Variants in USP4 observed in about 807,000 individuals in gnomAD.
The protein encoded by USP4 is ubiquitin specific peptidase 4.
USP4 carries 72 observed loss-of-function variants against 118.2 expected under a neutral mutation model. The ratio of observed to expected loss-of-function variants is 0.61; its 90% CI spans 0.50 to 0.74. The LOEUF (loss-of-function observed/expected upper bound fraction) is 0.74. Ranked by LOEUF, USP4 falls within the 30% of genes least tolerant of loss-of-function variation. USP4 has a pLI of 0.00. For synonymous variants in USP4, 415 were observed against 440.4 expected (o/e 0.94, Z 0.72); for missense variants, 1,037 against 1,185.7 (o/e 0.87, Z 1.84).
chr3:49,293,944 G>C (rs2047177229), intron 14 of USP4, among the ~76,000 whole-genome samples: 1 of 151,070 alleles, frequency 6.6e-6, no homozygotes, highest in African/African-American at 2.4e-5. Context: ...AATAGCACCT[G>C]CCCTGGCCCA....
At chr3:49,323,850 A>G (rs2047524873) in intron 6 of USP4, among the ~76,000 whole-genome samples, 1 of 152,212 alleles carries the variant, frequency 6.6e-6, no homozygotes, top group South Asian at 2.1e-4. Flanking sequence ...GAACATGCAC[A>G]GTTCCACATA....
chr3:49,284,750 A>G, intron 17 of USP4, 99 bp downstream of exon 17: 1 of 1,296,392 alleles, frequency 7.7e-7, no homozygotes, highest in South Asian at 1.3e-5. Flanking sequence ...TCTTAAATAT[A>G]ACTTGCTAAA....
chr3:49,280,324 G>A (rs1006413221), intron 20 of USP4, among the ~76,000 whole-genome samples: 4 of 151,914 alleles, frequency 2.6e-5, no homozygotes, highest in African/African-American at 9.7e-5. Flanking sequence ...CACTTTGGGA[G>A]GCCGAGGCGG....
At chr3:49,279,445 A>G (rs74454407) in intron 20 of USP4, among the ~76,000 whole-genome samples, 1 of 146,636 alleles carries the variant, frequency 6.8e-6, no homozygotes, top group Non-Finnish European at 1.5e-5. Context: ...CTCCATATCC[A>G]AAAAAAAAAA....
chr3:49,285,693 C>T (rs927889191), intron 16 of USP4, among the ~76,000 whole-genome samples: 2 of 152,154 alleles, frequency 1.3e-5, no homozygotes, highest in African/African-American at 2.4e-5. Flanking sequence ...CTCCATGTGT[C>T]GGTGAGGCTA....
In USP4 at chr3:49,328,720, C is replaced by T. The variant is rs528332252; in HGVS notation, c.230-904G>A. ...AGTAAAAATACAAAAATTAGCTGGGCATGGTGATGCATGCCTGTAGTCCCA... is the reference window on the plus strand; with the variant it reads ...AGTAAAAATACAAAAATTAGCTGGGTATGGTGATGCATGCCTGTAGTCCCA... On this transcript the variant is annotated intron_variant, in intron 2 of 21. Transcript: ENST00000265560. Among the ~76,000 whole-genome samples the T allele has an allele frequency of 6.6e-5, 10 of 150,626 alleles. No individual in the cohort carries two copies. In the South Asian group the frequency reaches 2.1e-3, roughly 32 times the overall value.
intron 4 of USP4, among the ~76,000 whole-genome samples, 191 bp from the exon 5 acceptor site, chr3:49,325,230 T>C (rs1461094454): frequency 6.6e-6 from 1 of 152,110 alleles, no homozygotes; most frequent in Non-Finnish European, 1.5e-5. Flanking sequence ...AAAGTATCCC[T>C]ATGCTTCTTT....
intron 6 of USP4, among the ~76,000 whole-genome samples, chr3:49,313,225 G>A (rs1223830779): frequency 6.6e-6 from 1 of 152,044 alleles, no homozygotes; most frequent in Non-Finnish European, 1.5e-5. Flanking sequence ...TTAGTGAAAG[G>A]CAAAGAAAAA....
At chr3:49,284,363 T>C (rs1282250557) in intron 18 of USP4, 103 bp downstream of exon 18, 7 of 1,075,974 alleles carry the variant, frequency 6.5e-6, no homozygotes, top group Non-Finnish European at 9.7e-6. Context: ...TATAAAGAAG[T>C]GACACATCCA....
chr3:49,291,690 A>G (rs2047153001), intron 15 of USP4, among the ~76,000 whole-genome samples: 1 of 151,788 alleles, frequency 6.6e-6, no homozygotes, highest in Non-Finnish European at 1.5e-5. Flanking sequence ...CAAAAAGAAG[A>G]GTGACATGTC....
intron 9 of USP4, among the ~76,000 whole-genome samples, chr3:49,303,547 TA>T (rs556558423): frequency 6.0e-4 from 91 of 151,344 alleles, no homozygotes; most frequent in African/African-American, 2.1e-3. Context: ...TAATTACAAT[TA>T]AAAACCATTA....
rs765972808 is a variant in USP4, at chr3:49,325,682, C to G, written c.487+37G>C. ...CATCAGCCACAATGTCCTACACTCTCTCACCACATACCAGGGACCCCAGCC... is the reference window on the plus strand; with the variant it reads ...CATCAGCCACAATGTCCTACACTCTGTCACCACATACCAGGGACCCCAGCC... On this transcript the variant is annotated intron_variant, in intron 4 of 21. Transcript: ENST00000265560. The G allele has an allele frequency of 3.1e-6, 5 of 1,609,982 alleles. No homozygotes were observed. The South Asian group carries it at 4.4e-5, about 14-fold the overall frequency.
At chr3:49,303,438 CAA>C (rs1173726988) in intron 9 of USP4, among the ~76,000 whole-genome samples, 8 of 23,374 alleles carry the variant, frequency 3.4e-4, no homozygotes, top group Admixed American at 2.3e-3. Context: ...AAGGCTGTCT[CAA>C]AAAAAAAAAA....
chr3:49,323,055 C>T (rs1390465704), intron 6 of USP4, among the ~76,000 whole-genome samples: 1 of 150,992 alleles, frequency 6.6e-6, no homozygotes, highest in Non-Finnish European at 1.5e-5. Context: ...GCAACCTCCG[C>T]CTCCCGGGTT....
At position 49,284,072 on chromosome 3, in the gene USP4, T is replaced by C. The variant is rs1327705903; in HGVS notation, c.2455A>G (p.Lys819Glu). ...TKKFDLWSLP[K>E]ILVVHLKRFS... ...CGTTTGAGGTGGACCACCAGGATCT[T>C]GGGCAAGGACCATAGGTCAAACTTT... The change falls in exon 19 of 22, where the codon AAG becomes GAG. Residue 819 changes from lysine to glutamate, a missense_variant. Physicochemically the swap from Lys to Glu is moderately conservative, Grantham distance 56. Transcript: ENST00000265560. 1.2e-6 allele frequency: 2 copies of C among 1,614,256 alleles called. No homozygotes were observed. The highest frequency in any genetic ancestry group is 1.6e-4 in the Middle Eastern group (1 of 6,062).
At chr3:49,282,025 C>T (rs1575599239) in intron 19 of USP4, among the ~76,000 whole-genome samples, 1 of 151,344 alleles carries the variant, frequency 6.6e-6, no homozygotes, top group Non-Finnish European at 1.5e-5. Flanking sequence ...AAAACAAAAA[C>T]AAAACAAAAA....
At chr3:49,283,928 G>A (rs2047066127) in intron 19 of USP4, 59 bp downstream of exon 19, 1 of 1,599,862 alleles carries the variant, frequency 6.3e-7, no homozygotes, top group African/African-American at 1.3e-5. Context: ...CAGCCAATCA[G>A]TGCCAAGATT....
intron 2 of USP4, 44 bp from the exon 3 acceptor site, chr3:49,327,860 G>C (rs762223715): frequency 4.5e-6 from 7 of 1,557,874 alleles, no homozygotes; most frequent in Non-Finnish European, 6.2e-6. Flanking sequence ...CTTTACCCCA[G>C]AAATGATGGT....
In USP4 at chr3:49,331,118, C is replaced by T. The variant is rs529444334; in HGVS notation, c.230-3302G>A. On this transcript the variant is annotated intron_variant, in intron 2 of 21. Transcript: ENST00000265560. ...GGGCAGTTACCTGAGGTCGAGAGTT[C>T]GAGACCAGCCTGACCAACAAGGAGA... 9.9e-4 allele frequency among the ~76,000 whole-genome samples: 149 copies of T among 150,674 alleles called. 1 individual carries two copies. The highest frequency in any genetic ancestry group is 3.4e-3 in the African/African-American group (138 of 40,982).
Sources: allele counts gnomAD v4.1 joint callset (sites outside exome capture counted in the v4.1 genomes callset), GRCh38; gene constraint gnomAD v4.1.1; transcripts MANE v1.5; gene names NCBI Gene and HGNC (gene_info 2026-07-23, HGNC 2026-07-21).